Variants in ACSS3 observed in about 807,000 individuals in gnomAD.
The protein encoded by ACSS3 is acyl-CoA synthetase short-chain family member 3, mitochondrial.
ACSS3 carries 64 observed loss-of-function variants against 84.2 expected under a neutral mutation model. The observed-to-expected ratio is 0.76, with a 90% CI of 0.62 to 0.94. ACSS3 has a LOEUF of 0.94. ACSS3 is among the 40% of genes least tolerant of loss of function. The pLI, the probability that ACSS3 is intolerant of heterozygous loss-of-function variation, is 0.00. For missense variants in ACSS3, 815 were observed against 867.6 expected, an observed-to-expected ratio of 0.94 and a Z score of 0.76; for synonymous variants, 317 against 310.1, an observed-to-expected ratio of 1.02 and a Z score of -0.23.
At chr12:81,141,806 ATGAT>A (rs1886106202) in intron 4 of ACSS3, among the ~76,000 whole-genome samples, 1 of 152,206 alleles carries the variant, frequency 6.6e-6, no homozygotes, top group Non-Finnish European at 1.5e-5. Context: ...ATGGAAACGT[ATGAT>A]TTGGTCATAG....
rs147532685 is a variant in ACSS3, at chr12:81,244,805, T to G, written c.1720-8502T>G. Among the ~76,000 whole-genome samples, 372 of 152,238 alleles carry G rather than the reference T, an allele frequency of 2.4e-3. 2 individuals are homozygous for G. The highest frequency in any genetic ancestry group is 8.7e-3 in the African/African-American group (360 of 41,546). ...TGTCTACTTTTTCCATTAATGCCCT[T>G]AACATATTAATCGTAGTTTTAAAAA... On this transcript the variant is annotated intron_variant, in intron 13 of 15. Transcript: ENST00000548058.
chr12:81,181,217 A>G (rs937750127), intron 8 of ACSS3, among the ~76,000 whole-genome samples: 5 of 151,818 alleles, frequency 3.3e-5, no homozygotes, highest in African/African-American at 1.2e-4. Context: ...AGCCTACACA[A>G]TCAATATCAC....
chr12:81,165,705 TAACA>T (rs1887370850), intron 7 of ACSS3, among the ~76,000 whole-genome samples: 1 of 151,994 alleles, frequency 6.6e-6, no homozygotes, highest in African/African-American at 2.4e-5. Flanking sequence ...AAGACACACC[TAACA>T]AACTCTTACA....
At chr12:81,248,597 G>A (rs1042199165) in intron 13 of ACSS3, among the ~76,000 whole-genome samples, 8 of 151,856 alleles carry the variant, frequency 5.3e-5, no homozygotes, top group African/African-American at 1.9e-4. Context: ...ATCGGTTAAT[G>A]GGTACAAATA....
chr12:81,233,692 C>T (rs926872986), intron 13 of ACSS3, among the ~76,000 whole-genome samples: 9 of 151,592 alleles, frequency 5.9e-5, no homozygotes, highest in African/African-American at 1.9e-4. Flanking sequence ...TAAACACTTA[C>T]ATATATTTTT....
At chr12:81,153,107 T>C (rs1488278802) in intron 7 of ACSS3, among the ~76,000 whole-genome samples, 1 of 152,102 alleles carries the variant, frequency 6.6e-6, no homozygotes, top group African/African-American at 2.4e-5. Context: ...ATGGAAATAA[T>C]GTATACAAGA....
intron 8 of ACSS3, among the ~76,000 whole-genome samples, chr12:81,179,089 A>G (rs147773432): frequency 1.2e-3 from 176 of 152,230 alleles, no homozygotes; most frequent in African/African-American, 4.0e-3. Context: ...CTGGCTAGCC[A>G]TATGCGTAAG....
At chr12:81,133,725 A>G (rs143181590) in intron 2 of ACSS3, among the ~76,000 whole-genome samples, 1 of 151,904 alleles carries the variant, frequency 6.6e-6, no homozygotes, top group African/African-American at 2.4e-5. Flanking sequence ...TAGATAATTT[A>G]CTTATTTATT....
At chr12:81,083,763 A>C (rs968636078) in intron 1 of ACSS3, among the ~76,000 whole-genome samples, 2 of 152,050 alleles carry the variant, frequency 1.3e-5, no homozygotes, top group African/African-American at 4.8e-5. Context: ...CGACGTCAGG[A>C]GATCCAGACC....
At chr12:81,200,270 A>G (rs2032040533) in intron 9 of ACSS3, among the ~76,000 whole-genome samples, 1 of 152,184 alleles carries the variant, frequency 6.6e-6, no homozygotes. Flanking sequence ...TGACTCACTG[A>G]AAGCAGCTAT....
chr12:81,118,427 G>A (rs1884244740), intron 2 of ACSS3, among the ~76,000 whole-genome samples: 1 of 152,116 alleles, frequency 6.6e-6, no homozygotes, highest in African/African-American at 2.4e-5. Context: ...AGGTGGAGGA[G>A]GATATAGAGG....
intron 2 of ACSS3, among the ~76,000 whole-genome samples, chr12:81,118,949 C>T (rs138110415): frequency 1.1e-3 from 174 of 152,260 alleles, no homozygotes; most frequent in East Asian, 5.6e-3. Flanking sequence ...AAAGGACCAA[C>T]CTGGCCACAG....
In ACSS3 at chr12:81,113,402, C is replaced by G. The variant is rs1012017182; in HGVS notation, c.456+3698C>G. Among the ~76,000 whole-genome samples, 10 of 152,236 alleles carry G rather than the reference C, an allele frequency of 6.6e-5. No homozygotes were observed. In the South Asian group the frequency reaches 1.4e-3, roughly 22 times the overall value. On this transcript the variant is annotated intron_variant, in intron 2 of 15. Transcript: ENST00000548058. The stretch of plus-strand genomic sequence containing the variant: ...AGATGTTTTCTGACCATACTAAATA[C>G]AAATGTTCCTTTCCACACCACTTCA...
chr12:81,242,223 C>A (rs1443753108), intron 13 of ACSS3, among the ~76,000 whole-genome samples: 2 of 152,060 alleles, frequency 1.3e-5, no homozygotes, highest in Non-Finnish European at 2.9e-5. Flanking sequence ...GAGAATACTA[C>A]AAACACCTCT....
In ACSS3 at chr12:81,261,205, A is replaced by C. The variant is rs916360740; in HGVS notation, c.*6283A>C. ...AATGTAATAAAGGTTTGAATTTTTC[A>C]CAGTTTCTACTATTTATTTATTGAT... On this transcript the variant is annotated 3_prime_UTR_variant, in exon 16 of 16. Coordinates refer to ENST00000548058, the MANE Select transcript of ACSS3 (RefSeq NM_024560.4). The C allele has an allele frequency of 2.6e-5, 4 of 152,064 alleles. No individual in the cohort carries two copies. Among genetic ancestry groups the C allele is most frequent in the African/African-American group, 9.7e-5 (4 of 41,390 alleles). 9.4% of individuals were successfully genotyped at this position (152,064 alleles called of 1,614,324 possible).
intron 7 of ACSS3, among the ~76,000 whole-genome samples, chr12:81,161,129 A>T (rs1887124649): frequency 6.6e-6 from 1 of 152,268 alleles, no homozygotes; most frequent in Non-Finnish European, 1.5e-5. Context: ...ATGCTTGAAT[A>T]TTACTCACAT....
intron 15 of ACSS3, 122 bp downstream of exon 15, chr12:81,253,792 G>A (rs1463815057): frequency 2.1e-6 from 2 of 968,706 alleles, no homozygotes; most frequent in East Asian, 2.6e-5. Flanking sequence ...ACACATAATA[G>A]TACTATTTTT....
intron 2 of ACSS3, among the ~76,000 whole-genome samples, chr12:81,134,015 G>C (rs1017831021): frequency 1.3e-5 from 2 of 151,016 alleles, no homozygotes; most frequent in African/African-American, 4.9e-5. Flanking sequence ...TTTATTGCTA[G>C]AAAGTACAAA....
chr12:81,199,557 C>A, intron 9 of ACSS3, 113 bp downstream of exon 9: 4 of 1,454,102 alleles, frequency 2.8e-6, no homozygotes, highest in Non-Finnish European at 3.8e-6. Flanking sequence ...ACTCGGGATT[C>A]GAGTGGTTCA....
Sources: gnomAD v4.1 joint callset for allele counts (sites outside exome capture counted in the v4.1 genomes callset) on GRCh38, gnomAD v4.1.1 for gene constraint, MANE v1.5 for transcripts, NCBI Gene and HGNC (gene_info 2026-07-23, HGNC 2026-07-21) for gene names.